DTNA: variants seen among roughly 807,000 people sequenced by gnomAD.
The protein encoded by DTNA is dystrobrevin alpha.
A neutral mutation model predicts 100.7 loss-of-function variants in DTNA; 43 were observed. That is an observed-to-expected ratio of 0.43 (90% CI 0.33 to 0.55). DTNA has a LOEUF of 0.55. Among genes scored for constraint, DTNA ranks in the 20% least tolerant of loss-of-function variants. DTNA has a pLI of 0.04. For missense variants in DTNA, 798 were observed against 953.9 expected, an observed-to-expected ratio of 0.84 and a Z score of 2.15; for synonymous variants, 349 against 347.9, an observed-to-expected ratio of 1.00 and a Z score of -0.04.
chr18:34,740,434 C>T (rs2090421131), intron 1 of DTNA, among the ~76,000 whole-genome samples: 1 of 152,104 alleles, frequency 6.6e-6, no homozygotes, highest in Non-Finnish European at 1.5e-5. Context: ...GGTTGAGGGA[C>T]ACTTCTTTCC....
intron 10 of DTNA, among the ~76,000 whole-genome samples, chr18:34,828,841 AG>A (rs760642047): frequency 1.3e-5 from 2 of 152,186 alleles, no homozygotes; most frequent in Non-Finnish European, 2.9e-5. Context: ...TAGAATCACC[AG>A]CAAATGCAAC....
intron 15 of DTNA, among the ~76,000 whole-genome samples, chr18:34,854,569 C>G (rs1193082510): frequency 6.6e-6 from 1 of 152,168 alleles, no homozygotes; most frequent in Non-Finnish European, 1.5e-5. Flanking sequence ...AGCTTGAGGC[C>G]TTAATGAACT....
intron 1 of DTNA, among the ~76,000 whole-genome samples, chr18:34,617,348 T>C (rs2055517093): frequency 6.6e-6 from 1 of 152,244 alleles, no homozygotes; most frequent in South Asian, 2.1e-4. Context: ...TTTAAATTTT[T>C]ATCAAAAGCC....
At chr18:34,524,654 G>A (rs946585534) in intron 1 of DTNA, among the ~76,000 whole-genome samples, 4 of 152,088 alleles carry the variant, frequency 2.6e-5, no homozygotes, top group African/African-American at 9.7e-5. Flanking sequence ...TATTTTTTCT[G>A]GTGCTGGTGC....
intron 4 of DTNA, among the ~76,000 whole-genome samples, chr18:34,797,078 T>G (rs770832948): frequency 5.3e-5 from 8 of 152,172 alleles, no homozygotes; most frequent in Non-Finnish European, 1.2e-4. Flanking sequence ...CTGTAGATGA[T>G]TTGTACAATG....
At chr18:34,604,624 G>C (rs191082651) in intron 1 of DTNA, among the ~76,000 whole-genome samples, 1 of 152,258 alleles carries the variant, frequency 6.6e-6, no homozygotes, top group East Asian at 1.9e-4. Flanking sequence ...CTAGCACCTA[G>C]AACATTTGGA....
At chr18:34,862,124 C>CAAAAA (rs1002538086) in intron 16 of DTNA, among the ~76,000 whole-genome samples, 3 of 56,246 alleles carry the variant, frequency 5.3e-5, no homozygotes, top group African/African-American at 7.0e-5. Context: ...CAGACAAGGT[C>CAAAAA]AAAAAAAAAA....
chr18:34,604,825 T>C (rs914014272), intron 1 of DTNA, among the ~76,000 whole-genome samples: 2 of 152,130 alleles, frequency 1.3e-5, no homozygotes, highest in African/African-American at 4.8e-5. Context: ...ATTGCTCCAG[T>C]TTCCTATATG....
chr18:34,644,023 A>G (rs78339825), intron 1 of DTNA, among the ~76,000 whole-genome samples: 3 of 152,258 alleles, frequency 2.0e-5, no homozygotes, highest in Admixed American at 6.5e-5. Context: ...CACTCTTATC[A>G]TGGCCAATGT....
intron 9 of DTNA, chr18:34,825,185 AT>A: frequency 6.3e-7 from 1 of 1,586,022 alleles, no homozygotes; most frequent in East Asian, 2.2e-5. Flanking sequence ...GTATTTTGAC[AT>A]TTGTTCTTAG....
chr18:34,831,773 A>C (rs2149607867), intron 11 of DTNA, among the ~76,000 whole-genome samples: 1 of 152,308 alleles, frequency 6.6e-6, no homozygotes, highest in Admixed American at 6.5e-5. Context: ...CATCTCAAAA[A>C]AATAAAAAAT....
At chr18:34,569,868 T>A (rs1401196655) in intron 1 of DTNA, among the ~76,000 whole-genome samples, 1 of 149,994 alleles carries the variant, frequency 6.7e-6, no homozygotes, top group Non-Finnish European at 1.5e-5. Flanking sequence ...AAATGTTAAT[T>A]TCATACACAT....
At chr18:34,776,317 C>T (rs572573671) in intron 3 of DTNA, among the ~76,000 whole-genome samples, 30 of 152,144 alleles carry the variant, frequency 2.0e-4, no homozygotes, top group African/African-American at 7.0e-4. Flanking sequence ...ACGGAGAAGC[C>T]ACACAGGGAA....
chr18:34,593,647 A>G (rs2049994357), intron 1 of DTNA: 1 of 152,176 alleles, frequency 6.6e-6, no homozygotes, highest in African/African-American at 2.4e-5. Context: ...TCAGTGTTGT[A>G]GCTTGCTTAC....
At chr18:34,533,013 T>G (rs1320331326) in intron 1 of DTNA, among the ~76,000 whole-genome samples, 2 of 151,918 alleles carry the variant, frequency 1.3e-5, no homozygotes, top group Non-Finnish European at 2.9e-5. Context: ...ACACTTATGT[T>G]GGCGAAATAA....
chr18:34,497,660 C>G (rs1190304307), intron 1 of DTNA, among the ~76,000 whole-genome samples: 1 of 151,594 alleles, frequency 6.6e-6, no homozygotes, highest in Non-Finnish European at 1.5e-5. Context: ...TCATAACACC[C>G]CCTAATCTGA....
At chr18:34,818,396 A>G (rs1652573807) in intron 8 of DTNA, 66 bp downstream of exon 8, 2 of 1,584,030 alleles carry the variant, frequency 1.3e-6, no homozygotes, top group Non-Finnish European at 1.7e-6. Flanking sequence ...TAAAGGGAAT[A>G]TCAAGGATGG....
intron 1 of DTNA, among the ~76,000 whole-genome samples, chr18:34,603,710 A>G (rs1334759146): frequency 1.3e-5 from 2 of 152,160 alleles, no homozygotes; most frequent in South Asian, 2.1e-4. Flanking sequence ...GCTCCATTTT[A>G]CCTATTTCAT....
At chr18:34,555,796 G>A (rs376376638) in intron 1 of DTNA, among the ~76,000 whole-genome samples, 1 of 152,032 alleles carries the variant, frequency 6.6e-6, no homozygotes, top group Non-Finnish European at 1.5e-5. Flanking sequence ...TTACTTCCAA[G>A]TATGTGGTCA....
Sources: gnomAD v4.1 joint callset for allele counts (sites outside exome capture counted in the v4.1 genomes callset) on GRCh38, gnomAD v4.1.1 for gene constraint, MANE v1.5 for transcripts, NCBI Gene and HGNC (gene_info 2026-07-23, HGNC 2026-07-21) for gene names.